The following CDH12 variants were observed in gnomAD, a reference collection of about 807,000 sequenced individuals.
CDH12 encodes the protein cadherin-12.
Under a neutral mutation model 74.1 loss-of-function variants are expected in CDH12, and 41 were observed. That is an observed-to-expected ratio of 0.55 (90% CI 0.43 to 0.72). CDH12 has a LOEUF of 0.72. Ranked by LOEUF, CDH12 falls within the 30% of genes least tolerant of loss-of-function variation. The pLI is 0.00. For synonymous variants in CDH12, 399 were observed against 355.0 expected (o/e 1.12, Z -1.39); for missense variants, 945 against 977.2 (o/e 0.97, Z 0.44).
chr5:22,702,796 T>A (rs1742786044), intron 1 of CDH12, among the ~76,000 whole-genome samples: 1 of 152,158 alleles, frequency 6.6e-6, no homozygotes, highest in African/African-American at 2.4e-5. Flanking sequence ...GAATCTCATA[T>A]GGTTTGCATG....
chr5:22,175,723 C>G lies in CDH12; in HGVS notation c.-187+36775G>C, dbSNP rs1580359563. Among the ~76,000 whole-genome samples the G allele has an allele frequency of 3.3e-5, 5 of 152,074 alleles. No individual in the cohort carries two copies. The South Asian group carries it at 1.0e-3, about 32-fold the overall frequency. ...CAACAGAAAGCGTGAATGCTGATGG[C>G]AGAATGAAGTCTAATCAGGGTAAGG... On this transcript the variant is annotated intron_variant, in intron 4 of 14. Transcript: ENST00000382254.
chr5:22,802,772 C>A (rs1748599707), intron 1 of CDH12, among the ~76,000 whole-genome samples: 1 of 152,138 alleles, frequency 6.6e-6, no homozygotes. Context: ...ACACAATAGG[C>A]ACAAAGCCAT....
chr5:22,195,803 C>A (rs1156756585), intron 4 of CDH12, among the ~76,000 whole-genome samples: 2 of 152,120 alleles, frequency 1.3e-5, no homozygotes, highest in African/African-American at 4.8e-5. Context: ...TCCTTTATTT[C>A]TTGTTCCTAA....
intron 6 of CDH12, among the ~76,000 whole-genome samples, chr5:21,888,235 C>T (rs1026458463): frequency 2.0e-5 from 3 of 152,060 alleles, no homozygotes; most frequent in Admixed American, 6.6e-5. Context: ...CTTTTTCCCT[C>T]GTGCTTTTAA....
intron 5 of CDH12, among the ~76,000 whole-genome samples, chr5:22,047,796 A>G (rs914020928): frequency 3.2e-4 from 48 of 152,090 alleles, no homozygotes; most frequent in African/African-American, 1.2e-3. Context: ...TACTCTTATC[A>G]TTTATTTCAT....
chr5:22,605,688 C>G (rs988967590), intron 1 of CDH12, among the ~76,000 whole-genome samples: 1 of 152,268 alleles, frequency 6.6e-6, no homozygotes, highest in Non-Finnish European at 1.5e-5. Flanking sequence ...TTATTCCCCA[C>G]AGGCCTTGCC....
At chr5:22,084,735 T>C (rs1742956833) in intron 4 of CDH12, among the ~76,000 whole-genome samples, 1 of 152,172 alleles carries the variant, frequency 6.6e-6, no homozygotes. Flanking sequence ...GCCACGGTTG[T>C]CAGCCAGGGA....
intron 1 of CDH12, among the ~76,000 whole-genome samples, chr5:22,814,905 A>G (rs988475554): frequency 6.6e-6 from 1 of 152,230 alleles, no homozygotes; most frequent in Non-Finnish European, 1.5e-5. Context: ...TCTTAACTAT[A>G]AGTAACACGA....
rs1002135816 is a variant in CDH12, at chr5:22,562,605, A to G, written c.-522-57241T>C. Among the ~76,000 whole-genome samples, 19 of 151,990 alleles carry G rather than the reference A, an allele frequency of 1.3e-4. No homozygotes were observed. The East Asian group carries it at 2.3e-3, about 19-fold the overall frequency. On this transcript the variant is annotated intron_variant, in intron 1 of 14. Coordinates refer to ENST00000382254, the MANE Select transcript of CDH12 (RefSeq NM_004061.5). ...GAAGGGATTTTTTTTTTCTTATGAAAATAAGAGGCAGAAAAAAAGAAATCA... is the reference window on the plus strand; with the variant it reads ...GAAGGGATTTTTTTTTTCTTATGAAGATAAGAGGCAGAAAAAAAGAAATCA...
intron 1 of CDH12, among the ~76,000 whole-genome samples, chr5:22,588,083 T>C (rs1368238104): frequency 6.7e-6 from 1 of 150,374 alleles, no homozygotes; most frequent in Admixed American, 6.7e-5. Flanking sequence ...AATAAATACA[T>C]ACATGTATAT....
chr5:22,051,805 G>A (rs570200671), intron 5 of CDH12, among the ~76,000 whole-genome samples: 46 of 150,472 alleles, frequency 3.1e-4, no homozygotes, highest in Middle Eastern at 3.4e-3. Context: ...AAAAGATTGA[G>A]AAAAAAAGAA....
intron 2 of CDH12, among the ~76,000 whole-genome samples, chr5:22,446,856 A>AC (rs1263651074): frequency 6.6e-6 from 1 of 152,120 alleles, no homozygotes. Flanking sequence ...TTATAATGTA[A>AC]CTTTTTATGT....
intron 3 of CDH12, among the ~76,000 whole-genome samples, chr5:22,336,044 A>G (rs1739567101): frequency 6.6e-6 from 1 of 152,116 alleles, no homozygotes; most frequent in African/African-American, 2.4e-5. Context: ...GCAGATGGAG[A>G]TGAGGAACTT....
intron 1 of CDH12, among the ~76,000 whole-genome samples, chr5:22,586,640 T>A (rs1299267805): frequency 6.6e-6 from 1 of 151,858 alleles, no homozygotes; most frequent in Non-Finnish European, 1.5e-5. Context: ...CTGCTGAATT[T>A]TTCTCATTTT....
intron 1 of CDH12, among the ~76,000 whole-genome samples, chr5:22,588,600 T>A (rs1428020362): frequency 6.6e-6 from 1 of 152,078 alleles, no homozygotes; most frequent in African/African-American, 2.4e-5. Context: ...CAAATACATA[T>A]TTTTGGGAAA....
chr5:21,918,884 A>C (rs1754227149), intron 6 of CDH12, among the ~76,000 whole-genome samples: 1 of 152,118 alleles, frequency 6.6e-6, no homozygotes, highest in Non-Finnish European at 1.5e-5. Context: ...AATTCTTGTT[A>C]TTTCCTTATT....
At chr5:22,720,907 T>C (rs979549985) in intron 1 of CDH12, among the ~76,000 whole-genome samples, 1 of 152,170 alleles carries the variant, frequency 6.6e-6, no homozygotes, top group African/African-American at 2.4e-5. Flanking sequence ...AATTTATGTT[T>C]AAAGGGGAAG....
At chr5:22,064,925 T>C (rs1741456035) in intron 5 of CDH12, among the ~76,000 whole-genome samples, 1 of 152,158 alleles carries the variant, frequency 6.6e-6, no homozygotes, top group Non-Finnish European at 1.5e-5. Context: ...GTTCCTAGCC[T>C]ATGTGTCTGC....
intron 1 of CDH12, among the ~76,000 whole-genome samples, chr5:22,716,625 C>T (rs116054268): frequency 4.0e-4 from 55 of 136,214 alleles, no homozygotes; most frequent in African/African-American, 1.4e-3. Context: ...AAAAAAAAAA[C>T]AAAAAATAAA....
Sources: allele counts gnomAD v4.1 joint callset (sites outside exome capture counted in the v4.1 genomes callset), GRCh38; gene constraint gnomAD v4.1.1; transcripts MANE v1.5; gene names NCBI Gene and HGNC (gene_info 2026-07-23, HGNC 2026-07-21).